The following ARMH3 variants were observed in gnomAD, a reference collection of about 807,000 sequenced individuals.
ARMH3 encodes armadillo like helical domain containing 3, also known as armadillo-like helical domain-containing protein 3.
In ARMH3, 60 loss-of-function variants were observed where a neutral mutation model predicts 99.1. The observed-to-expected ratio is 0.61, with a 90% CI of 0.49 to 0.75. ARMH3 has a LOEUF of 0.75. Among genes scored for constraint, ARMH3 ranks in the 30% least tolerant of loss-of-function variants. The pLI, the probability that ARMH3 is intolerant of heterozygous loss-of-function variation, is 0.00. For synonymous variants in ARMH3, 285 were observed against 292.8 expected (o/e 0.97, Z 0.27); for missense variants, 679 against 843.1 (o/e 0.81, Z 2.41).
chr10:102,026,630 G>T (rs2067007044), intron 5 of ARMH3, among the ~76,000 whole-genome samples: 1 of 152,184 alleles, frequency 6.6e-6, no homozygotes, highest in South Asian at 2.1e-4. Context: ...GTTTTTAAGG[G>T]AGTATAAAGA....
intron 23 of ARMH3, among the ~76,000 whole-genome samples, chr10:101,891,600 C>T (rs1380994573): frequency 6.6e-6 from 1 of 152,144 alleles, no homozygotes; most frequent in Non-Finnish European, 1.5e-5. Context: ...GGAATGGACC[C>T]TGGCACAGCA....
chr10:101,889,014 G>C (rs1022149890), intron 24 of ARMH3, among the ~76,000 whole-genome samples: 3 of 152,234 alleles, frequency 2.0e-5, no homozygotes, highest in Middle Eastern at 6.8e-3. Context: ...ATGTTTTAAC[G>C]AGCCAAATAG....
At chr10:101,991,394 CT>C (rs551574581) in intron 18 of ARMH3, among the ~76,000 whole-genome samples, 127 of 146,474 alleles carry the variant, frequency 8.7e-4, no homozygotes, top group Non-Finnish European at 8.9e-4. Context: ...AATTTGAAAT[CT>C]TTTTTTTTTT....
chr10:102,005,909 G>T (rs1357531635), intron 14 of ARMH3, among the ~76,000 whole-genome samples: 1 of 152,172 alleles, frequency 6.6e-6, no homozygotes, highest in Non-Finnish European at 1.5e-5. Flanking sequence ...CTTTCCAACT[G>T]GGAGTGGCTG....
Position 102,002,038 on chromosome 10 carries a change from A to C in ARMH3, c.1083T>G (p.Asp361Glu). 6.2e-7 allele frequency: 1 copy of C among 1,614,200 alleles called. No individual in the cohort carries two copies. Among genetic ancestry groups the C allele is most frequent in the Non-Finnish European group, 8.5e-7 (1 of 1,180,022 alleles). The change falls in exon 15 of 26, where the codon GAT becomes GAG. Residue 361 changes from aspartate (D) to glutamate (E), a missense_variant. Physicochemically the swap from Asp to Glu is conservative, Grantham distance 45. Coordinates refer to ENST00000370033, the MANE Select transcript of ARMH3 (RefSeq NM_024541.3). ...ISSVELPLDADVQTSNLLITF... is the reference protein window; with the variant it reads ...ISSVELPLDAEVQTSNLLITF... Reference sequence around the variant, plus strand: ...TTATCAGTAGATTACTGGTCTGTACATCTGCATCCAGTGGGAGTTCCACAG... The same window carrying C: ...TTATCAGTAGATTACTGGTCTGTACCTCTGCATCCAGTGGGAGTTCCACAG...
At chr10:101,997,232 C>T (rs1489558104) in intron 15 of ARMH3, among the ~76,000 whole-genome samples, 1 of 151,786 alleles carries the variant, frequency 6.6e-6, no homozygotes, top group Non-Finnish European at 1.5e-5. Context: ...CATGCCACTG[C>T]ACTCCAGCCT....
chr10:102,029,329 A>G, intron 5 of ARMH3: 2 of 949,872 alleles, frequency 2.1e-6, no homozygotes. Flanking sequence ...TTACCCTTGT[A>G]TGTTGTTATA....
At chr10:101,908,721 T>C (rs1022201075) in intron 23 of ARMH3, among the ~76,000 whole-genome samples, 3 of 150,496 alleles carry the variant, frequency 2.0e-5, no homozygotes, top group African/African-American at 4.9e-5. Flanking sequence ...TGGAGTGCAA[T>C]GGCGCAGTCT....
At chr10:101,930,482 A>C (rs1021075760) in intron 23 of ARMH3, among the ~76,000 whole-genome samples, 6 of 152,100 alleles carry the variant, frequency 3.9e-5, no homozygotes, top group Admixed American at 6.5e-5. Flanking sequence ...AGAGATAAGA[A>C]CATGTTGGTT....
At position 102,002,205 on chromosome 10, in the gene ARMH3, G is replaced by A. The variant is rs2136064371; in HGVS notation, c.1049-133C>T. 5.2e-6 allele frequency: 7 copies of A among 1,340,832 alleles called. 1 individual carries two copies. In the South Asian group the frequency reaches 1.0e-4, roughly 20 times the overall value. The allele number at this position is 1,340,832 out of a possible 1,614,324, so 83.1% of individuals were successfully genotyped here. ...TTCCACAACAGAGGGAGGACCAAGT[G>A]CTCATCACAAAACTTTTATCTACTC... On this transcript the variant is annotated intron_variant, in intron 14 of 25. Transcript: ENST00000370033.
At chr10:101,994,526 C>G (rs905803224) in intron 16 of ARMH3, among the ~76,000 whole-genome samples, 3 of 152,200 alleles carry the variant, frequency 2.0e-5, no homozygotes, top group African/African-American at 7.2e-5. Context: ...CACTCAAGTT[C>G]TGCCATGCCT....
chr10:101,969,733 T>C (rs757292620), intron 20 of ARMH3, among the ~76,000 whole-genome samples: 2 of 152,294 alleles, frequency 1.3e-5, no homozygotes, highest in South Asian at 4.1e-4. Flanking sequence ...TCTGGGGGCT[T>C]AGGGGGCCTT....
chr10:101,865,052 T>A (rs557688423), intron 24 of ARMH3, among the ~76,000 whole-genome samples: 11 of 151,736 alleles, frequency 7.2e-5, no homozygotes, highest in Admixed American at 2.6e-4. Flanking sequence ...CCGTCTCTAC[T>A]AAAAATACAA....
intron 23 of ARMH3, among the ~76,000 whole-genome samples, chr10:101,914,362 C>A (rs71471225): frequency 0.079 from 11,931 of 151,382 alleles, 588 homozygotes; most frequent in East Asian, 0.15. Flanking sequence ...GTGGCGGGTA[C>A]CTGTAATCCC....
intron 20 of ARMH3, among the ~76,000 whole-genome samples, chr10:101,963,056 A>C (rs1206762415): frequency 7.0e-6 from 1 of 142,416 alleles, no homozygotes; most frequent in Non-Finnish European, 1.5e-5. Flanking sequence ...TGCAACCTCC[A>C]CCTCCCGGGT....
intron 4 of ARMH3, 70 bp downstream of exon 4, chr10:102,032,956 A>G: frequency 6.5e-7 from 1 of 1,541,046 alleles, no homozygotes; most frequent in South Asian, 1.2e-5. Flanking sequence ...TAGGTTCCTC[A>G]GTTCAAACAG....
intron 3 of ARMH3, 31 bp from the exon 4 acceptor site, chr10:102,033,203 C>T (rs1433222359): frequency 1.2e-6 from 2 of 1,613,804 alleles, no homozygotes; most frequent in South Asian, 1.1e-5. Context: ...GGGCAGAGTG[C>T]ATTTTTAGCT....
At chr10:101,991,173 G>A (rs1437449316) in intron 18 of ARMH3, among the ~76,000 whole-genome samples, 1 of 152,184 alleles carries the variant, frequency 6.6e-6, no homozygotes, top group East Asian at 1.9e-4. Context: ...GAATATCCAA[G>A]TGAAATGGGA....
intron 14 of ARMH3, among the ~76,000 whole-genome samples, chr10:102,004,867 C>T (rs2136077513): frequency 6.6e-6 from 1 of 151,564 alleles, no homozygotes; most frequent in Admixed American, 6.6e-5. Context: ...GTCAGGAGTT[C>T]GGGACCAGCC....
Sources: allele counts gnomAD v4.1 joint callset (sites outside exome capture counted in the v4.1 genomes callset), GRCh38; gene constraint gnomAD v4.1.1; transcripts MANE v1.5; gene names NCBI Gene and HGNC (gene_info 2026-07-23, HGNC 2026-07-21).